Variants in DEAF1 observed in about 807,000 individuals in gnomAD.
DEAF1 encodes DEAF1 transcription factor, also known as deformed epidermal autoregulatory factor 1 homolog.
DEAF1 carries 53 observed loss-of-function variants against 58.9 expected under a neutral mutation model. The ratio of observed to expected loss-of-function variants is 0.90; its 90% CI spans 0.72 to 1.13. DEAF1 has a LOEUF of 1.13. Ranked by LOEUF, DEAF1 falls within the 50% of genes most tolerant of loss-of-function variation. The probability of loss-of-function intolerance (pLI) is 0.00; values close to 1 mark genes in which losing one functional copy is unlikely to be tolerated. For synonymous variants in DEAF1, 385 were observed against 340.4 expected (o/e 1.13, Z -1.44); for missense variants, 685 against 791.4 (o/e 0.87, Z 1.61).
chr11:681,674 T>C (rs146887116), intron 6 of DEAF1, among the ~76,000 whole-genome samples: 1 of 152,048 alleles, frequency 6.6e-6, no homozygotes, highest in Non-Finnish European at 1.5e-5. Context: ...CCTCCCAAAG[T>C]GCTAGGATTA....
upstream of DEAF1, among the ~76,000 whole-genome samples, chr11:696,393 G>A (rs1482053238): frequency 6.6e-6 from 1 of 152,180 alleles, no homozygotes; most frequent in African/African-American, 2.4e-5. Context: ...TAGTAATTAG[G>A]TGCATTGTTT....
chr11:679,264 G>T (rs539764709), intron 8 of DEAF1, among the ~76,000 whole-genome samples: 1 of 151,066 alleles, frequency 6.6e-6, no homozygotes, highest in African/African-American at 2.4e-5. Flanking sequence ...GCAATGAGCC[G>T]AGATCATGCC....
chr11:645,727 G>T (rs777192384), intron 11 of DEAF1, among the ~76,000 whole-genome samples: 31 of 152,198 alleles, frequency 2.0e-4, no homozygotes, highest in Non-Finnish European at 3.1e-4. Flanking sequence ...CTCCTGTGAG[G>T]TCAGCACACA....
At chr11:702,540 T>C (rs1861544504) in intron 1 of DEAF1, among the ~76,000 whole-genome samples, 1 of 152,232 alleles carries the variant, frequency 6.6e-6, no homozygotes, top group Non-Finnish European at 1.5e-5. Flanking sequence ...TCGTGAAATT[T>C]TCCAGAACTG....
chr11:689,161 C>T (rs1336876345), intron 2 of DEAF1, among the ~76,000 whole-genome samples: 4 of 151,860 alleles, frequency 2.6e-5, no homozygotes, highest in African/African-American at 4.8e-5. Context: ...CAAAACCAAC[C>T]GAGGCAAAGT....
intron 11 of DEAF1, among the ~76,000 whole-genome samples, chr11:652,333 G>A (rs528608353): frequency 2.0e-4 from 30 of 152,140 alleles, no homozygotes; most frequent in African/African-American, 5.5e-4. Flanking sequence ...TAAAATATTC[G>A]AACTGAATAA....
chr11:682,697 G>A (rs1860430034), intron 6 of DEAF1, among the ~76,000 whole-genome samples: 1 of 152,180 alleles, frequency 6.6e-6, no homozygotes, highest in Non-Finnish European at 1.5e-5. Context: ...CTCACTGCAT[G>A]GACACCCCAC....
chr11:657,270 G>C (rs1470206884), intron 10 of DEAF1, among the ~76,000 whole-genome samples: 3 of 152,188 alleles, frequency 2.0e-5, no homozygotes, highest in Non-Finnish European at 4.4e-5. Context: ...GGCCAGGGCA[G>C]GGAATGCAAG....
At chr11:705,427 C>G (rs1861671956) in intron 1 of DEAF1, 1 of 154,454 alleles carries the variant, frequency 6.5e-6, no homozygotes, top group African/African-American at 2.4e-5. Flanking sequence ...GAGGACGGAA[C>G]CAGACAGTCC....
At chr11:664,358 TGA>T (rs1859444689) in intron 10 of DEAF1, among the ~76,000 whole-genome samples, 1 of 151,406 alleles carries the variant, frequency 6.6e-6, no homozygotes. Context: ...GCCATGGCAC[TGA>T]GAGGAGGAAG....
upstream of DEAF1, among the ~76,000 whole-genome samples, chr11:696,072 G>A (rs993903353): frequency 6.6e-6 from 1 of 151,968 alleles, no homozygotes; most frequent in Non-Finnish European, 1.5e-5. Flanking sequence ...GCCTGGCCCC[G>A]GGCAGGGTGG....
In DEAF1 at chr11:679,714, T is replaced by C. The variant is rs762624710; in HGVS notation, c.1100A>G (p.Gln367Arg). 4 of 1,613,242 alleles carry C rather than the reference T, an allele frequency of 2.5e-6. No individual in the cohort carries two copies. Among genetic ancestry groups the C allele is most frequent in the African/African-American group, 1.3e-5 (1 of 74,954 alleles). ...TGTGGCCCCTGCGAAGACGTCGCCC[T>C]GGGCCGGACTCTCTGATATGACAGC... ...ATAVISESPA[Q>R]GDVFAGATVQ... Residue 367 changes from glutamine to arginine, a missense_variant, in exon 8 of 12, where the codon CAG (glutamine) becomes CGG (arginine). Transcript: ENST00000382409.
intron 1 of DEAF1, chr11:700,996 C>T (rs1861431030): frequency 2.1e-6 from 1 of 484,540 alleles, no homozygotes; most frequent in Non-Finnish European, 3.8e-6. Context: ...AAGCCCAGCC[C>T]ACCACCACAT....
intron 10 of DEAF1, among the ~76,000 whole-genome samples, chr11:657,692 C>T (rs769003144): frequency 2.0e-4 from 31 of 152,152 alleles, no homozygotes; most frequent in Non-Finnish European, 3.1e-4. Flanking sequence ...AGGGACGCCA[C>T]AGTGGGGTGA....
intron 11 of DEAF1, among the ~76,000 whole-genome samples, chr11:649,677 G>C (rs1159630512): frequency 6.6e-6 from 1 of 152,028 alleles, no homozygotes; most frequent in Non-Finnish European, 1.5e-5. Context: ...CCGAGATTAC[G>C]CCAGTGCACT....
chr11:695,888 G>A (rs564208966), upstream of DEAF1: 60 of 1,217,764 alleles, frequency 4.9e-5, no homozygotes, highest in African/African-American at 4.7e-4. Context: ...TTGCAGCGGC[G>A]GGCGCGGCGT....
intron 1 of DEAF1, chr11:703,186 C>T (rs754974591): frequency 3.2e-6 from 5 of 1,566,580 alleles, no homozygotes; most frequent in Non-Finnish European, 4.3e-6. Context: ...CTGGGGCCCT[C>T]CTCCTGGGCC....
chr11:648,776 TAAC>T (rs72469275), intron 11 of DEAF1, among the ~76,000 whole-genome samples: 2,362 of 152,092 alleles, frequency 0.016, 52 homozygotes, highest in African/African-American at 0.053. Flanking sequence ...AGTAAGAAAA[TAAC>T]AACTTTAAAG....
At chr11:700,335 A>T (rs760356564) in intron 1 of DEAF1, 33 of 1,103,694 alleles carry the variant, frequency 3.0e-5, no homozygotes, top group Non-Finnish European at 4.0e-5. Context: ...GAGACCAGCC[A>T]GGCCAACATG....
Sources: allele counts gnomAD v4.1 joint callset (sites outside exome capture counted in the v4.1 genomes callset), GRCh38; gene constraint gnomAD v4.1.1; transcripts MANE v1.5; gene names NCBI Gene and HGNC (gene_info 2026-07-23, HGNC 2026-07-21).